Variants in TULP4 observed in about 807,000 individuals in gnomAD.
TULP4 encodes the protein tubby-related protein 4.
TULP4 carries 16 observed loss-of-function variants against 129.0 expected under a neutral mutation model. The ratio of observed to expected loss-of-function variants is 0.12; its 90% CI spans 0.08 to 0.19. The LOEUF (loss-of-function observed/expected upper bound fraction) is 0.19. TULP4 is among the 10% of genes least tolerant of loss of function. The probability of loss-of-function intolerance (pLI) is 1.00; values close to 1 mark genes in which losing one functional copy is unlikely to be tolerated. For synonymous variants in TULP4, 998 were observed against 854.0 expected, an observed-to-expected ratio of 1.17 and a Z score of -2.94; for missense variants, 1,842 against 2,059.1, an observed-to-expected ratio of 0.89 and a Z score of 2.04.
rs200744499 is a variant in TULP4, at chr6:158,429,929, C to T, written c.543+32C>T. On this transcript the variant is annotated intron_variant, in intron 3 of 13. Transcript: ENST00000367097. ...CTTCTGAAATGTGGTGGGTGTGTGA[C>T]GTTAAAACCATGAGGGCTGGGAGGG... 41 of 1,602,082 alleles carry T rather than the reference C, an allele frequency of 2.6e-5. No homozygotes were observed. The East Asian group carries it at 5.9e-4, about 23-fold the overall frequency.
intron 1 of TULP4, among the ~76,000 whole-genome samples, chr6:158,320,766 G>T (rs1779607499): frequency 6.6e-6 from 1 of 152,154 alleles, no homozygotes; most frequent in African/African-American, 2.4e-5. Context: ...TAAGCAGGCA[G>T]CTATGTGTAG....
At chr6:158,466,024 C>T (rs1779548525) in intron 6 of TULP4, among the ~76,000 whole-genome samples, 1 of 152,342 alleles carries the variant, frequency 6.6e-6, no homozygotes, top group Non-Finnish European at 1.5e-5. Context: ...AGGCATGGCT[C>T]AAGGCTTGCC....
chr6:158,504,935 C>T (rs1246078656), intron 13 of TULP4, among the ~76,000 whole-genome samples: 2 of 152,132 alleles, frequency 1.3e-5, no homozygotes, highest in Non-Finnish European at 2.9e-5. Context: ...CACAGCTTTT[C>T]CTTCCCCATT....
At chr6:158,472,266 C>T (rs1779703604) in intron 6 of TULP4, among the ~76,000 whole-genome samples, 1 of 152,148 alleles carries the variant, frequency 6.6e-6, no homozygotes, top group African/African-American at 2.4e-5. Context: ...ATGGCCTTAA[C>T]CATTGCAGAA....
chr6:158,505,697 A>C (rs1780584409), intron 13 of TULP4, among the ~76,000 whole-genome samples: 1 of 152,154 alleles, frequency 6.6e-6, no homozygotes. Context: ...CTGGTGAGGA[A>C]GTGGCCAGCA....
chr6:158,422,650 C>T lies in TULP4; in HGVS notation c.382-7086C>T, dbSNP rs572529456. ...CATACAGAGATAGAGGGAGAGGAGGCTCCAAAGCCGAAAGAGGAGGTCCCC... is the reference window on the plus strand; with the variant it reads ...CATACAGAGATAGAGGGAGAGGAGGTTCCAAAGCCGAAAGAGGAGGTCCCC... On this transcript the variant is annotated intron_variant, in intron 2 of 13. Transcript: ENST00000367097. 1.4e-4 allele frequency among the ~76,000 whole-genome samples: 22 copies of T among 152,264 alleles called. No individual in the cohort carries two copies. The South Asian group carries it at 1.5e-3, about 10-fold the overall frequency.
intron 1 of TULP4, among the ~76,000 whole-genome samples, chr6:158,372,927 G>A (rs577721709): frequency 1.3e-5 from 2 of 152,302 alleles, no homozygotes; most frequent in South Asian, 2.1e-4. Context: ...CTAGGAAATC[G>A]AGTTGATATT....
rs913190594 is a variant in TULP4 at position 158,305,066 on chromosome 6, C to T, written n.117-6985C>T. On this transcript the variant is annotated intron_variant and non_coding_transcript_variant, in intron 1 of 1. Coordinates refer to the TULP4 transcript ENST00000432358. The stretch of plus-strand genomic sequence containing the variant: ...TCAGAACTCTTTTCATCTTACAAAA[C>T]TAAAACTCTATACCCATTAAACACT... Among the ~76,000 whole-genome samples, 14 of 152,074 alleles carry T rather than the reference C, an allele frequency of 9.2e-5. No individual in the cohort carries two copies. The East Asian group carries it at 1.2e-3, about 13-fold the overall frequency.
chr6:158,294,404 A>T (rs936362428), intron 1 of TULP4, among the ~76,000 whole-genome samples: 1 of 152,142 alleles, frequency 6.6e-6, no homozygotes, highest in Non-Finnish European at 1.5e-5. Context: ...GCAGGTTGTC[A>T]TAGTTACTTT....
chr6:158,278,502 C>T (rs762224470), upstream of TULP4, among the ~76,000 whole-genome samples: 4 of 150,542 alleles, frequency 2.7e-5, no homozygotes, highest in African/African-American at 4.9e-5. Flanking sequence ...TTAAATTGAT[C>T]GAAAAGCTTA....
Position 158,503,893 on chromosome 6 carries a change from T to G in TULP4, c.4230T>G (p.Pro1410=), listed in dbSNP as rs1246815585. The change falls in exon 13 of 14, where the codon CCT becomes CCG. Residue 1410 remains proline, a synonymous_variant. Coordinates refer to ENST00000367097, the MANE Select transcript of TULP4 (RefSeq NM_020245.5). This position sits in a 1 kb window ranked among gnomAD's most constrained non-coding sequence, Gnocchi z 4.3. ...TCCAGGACAGCTCCGAGAGCGAGCC[T>G]GAGCTGTTCATCAGCGGGGATGAGC... The part of the protein sequence containing the change: ...NEFQDSSESE[P]ELFISGDELM... The G allele has an allele frequency of 1.2e-6, 2 of 1,614,082 alleles. No homozygotes were observed. The highest frequency in any genetic ancestry group is 1.7e-6 in the Non-Finnish European group (2 of 1,180,048).
chr6:158,347,059 T>C (rs901657837), intron 1 of TULP4, among the ~76,000 whole-genome samples: 2 of 152,196 alleles, frequency 1.3e-5, no homozygotes, highest in Admixed American at 1.3e-4. Flanking sequence ...TTGCAATATT[T>C]CTTATAGGGC....
chr6:158,291,553 G>A (rs1314933262), intron 1 of TULP4, among the ~76,000 whole-genome samples: 1 of 152,032 alleles, frequency 6.6e-6, no homozygotes, highest in Non-Finnish European at 1.5e-5. Flanking sequence ...CATATATTGT[G>A]CTGCTTCTTG....
At position 158,260,597 on chromosome 6, in the gene TULP4, A is replaced by C. The variant is rs536282782; in HGVS notation, n.68+28294A>C. Reference sequence around the variant, plus strand: ...TCTCAAAAAAAAAAAAAAAATGTTCATTAGTGTTTAAGCCTTCTGCATAAG... The same window carrying C: ...TCTCAAAAAAAAAAAAAAAATGTTCCTTAGTGTTTAAGCCTTCTGCATAAG... On this transcript the variant is annotated intron_variant and non_coding_transcript_variant, in intron 1 of 1. Transcript: ENST00000620026. Among the ~76,000 whole-genome samples, 26 of 148,350 alleles carry C rather than the reference A, an allele frequency of 1.8e-4. No individual in the cohort carries two copies. The South Asian group carries it at 5.2e-3, about 30-fold the overall frequency.
intron 1 of TULP4, among the ~76,000 whole-genome samples, chr6:158,298,488 A>G (rs1779077361): frequency 6.7e-6 from 1 of 149,922 alleles, no homozygotes; most frequent in Non-Finnish European, 1.5e-5. Flanking sequence ...TTCTTTTTAT[A>G]TAAATGTGCC....
chr6:158,292,394 CT>C (rs2128471178), intron 1 of TULP4, among the ~76,000 whole-genome samples: 1 of 152,270 alleles, frequency 6.6e-6, no homozygotes. Context: ...CTTGTGTCCC[CT>C]GTCAGATGAC....
chr6:158,488,117 T>A (rs1239001855), intron 8 of TULP4, among the ~76,000 whole-genome samples: 1 of 151,986 alleles, frequency 6.6e-6, no homozygotes, highest in African/African-American at 2.4e-5. Context: ...AAGAAAATAG[T>A]AGTTTTGAGT....
In TULP4 at chr6:158,241,206, G is replaced by A. The variant is rs1332415786; in HGVS notation, n.68+8903G>A. ...GATGTGATGGCGGCTGGGAAGAGGC[G>A]CTCCTCACTTCCTAGATGGGATGGC... On this transcript the variant is annotated intron_variant and non_coding_transcript_variant, in intron 1 of 1. Coordinates refer to the TULP4 transcript ENST00000620026. Among the ~76,000 whole-genome samples, 10 of 127,064 alleles carry A rather than the reference G, an allele frequency of 7.9e-5. 1 individual carries two copies. Among genetic ancestry groups the A allele is most frequent in the Non-Finnish European group, 5.3e-5 (3 of 56,948 alleles). The allele number at this position is 127,064 out of a possible 152,430, so 83.4% of individuals were successfully genotyped here. A position where few individuals can be genotyped will look rare whatever the true frequency, so the allele number is the denominator to read the frequency against.
chr6:158,418,359 TG>T lies in TULP4; in HGVS notation c.381+5168del, dbSNP rs753606284. 3.0e-3 allele frequency among the ~76,000 whole-genome samples: 450 copies of T among 151,650 alleles called. 1 individual carries two copies. Among genetic ancestry groups the T allele is most frequent in the Non-Finnish European group, 5.2e-3 (352 of 67,894 alleles). ...CTGGGCTCAGGTGATCCACCCGTCT[TG>T]GCCTCCCAAAGTGCTGGAATTGCAG... On this transcript the variant is annotated intron_variant, in intron 2 of 13. Transcript: ENST00000367097.
Sources: gnomAD v4.1 joint callset for allele counts (sites outside exome capture counted in the v4.1 genomes callset) on GRCh38, gnomAD v4.1.1 for gene constraint, Gnocchi (gnomAD v3.1) non-coding constraint, MANE v1.5 for transcripts, NCBI Gene and HGNC (gene_info 2026-07-23, HGNC 2026-07-21) for gene names.